Variants in HELB observed in about 807,000 individuals in gnomAD.
HELB encodes the protein DNA helicase B.
Under a neutral mutation model 101.7 loss-of-function variants are expected in HELB, and 96 were observed. The ratio of observed to expected loss-of-function variants is 0.94; its 90% CI spans 0.80 to 1.12. The LOEUF is 1.12. Among genes scored for constraint, HELB ranks in the 50% most tolerant of loss-of-function variants. HELB has a pLI of 0.00. For missense variants in HELB, 1,210 were observed against 1,291.9 expected (o/e 0.94, Z 0.97); for synonymous variants, 437 against 459.7 (o/e 0.95, Z 0.63).
At chr12:66,313,349 A>G (rs1264297695) in intron 4 of HELB, among the ~76,000 whole-genome samples, 3 of 152,170 alleles carry the variant, frequency 2.0e-5, no homozygotes, top group African/African-American at 7.2e-5. Flanking sequence ...GAATTTGCAG[A>G]TTAGGGATAC....
rs1391690605 is a variant in HELB at position 66,324,225 on chromosome 12, G to C, written c.2526+14G>C. The C allele has an allele frequency of 3.3e-6, 5 of 1,513,046 alleles. No individual in the cohort carries two copies. In the South Asian group the frequency reaches 5.6e-5, roughly 17 times the overall value. 93.7% of individuals were successfully genotyped at this position (1,513,046 alleles called of 1,614,324 possible). A position where few individuals can be genotyped will look rare whatever the true frequency, so the allele number is the denominator to read the frequency against. ...TTCATAACAAATGTAAGTGAAAACAGAAGATAATATCTTTTAACTAATTAG... is the reference window on the plus strand; with the variant it reads ...TTCATAACAAATGTAAGTGAAAACACAAGATAATATCTTTTAACTAATTAG... On this transcript the variant is annotated intron_variant, in intron 10 of 12. Transcript: ENST00000247815.
At chr12:66,306,750 TGAA>T (rs1565635378) in intron 3 of HELB, among the ~76,000 whole-genome samples, 1 of 152,122 alleles carries the variant, frequency 6.6e-6, no homozygotes. Flanking sequence ...AATTTGTAAA[TGAA>T]AAAAAATTGA....
rs751984172 is a variant in HELB, at chr12:66,305,135, C to T, written c.592C>T (p.Pro198Ser). Residue 198 changes from proline (P) to serine (S), a missense_variant, in exon 2 of 13, where the codon CCT (proline) becomes TCT (serine). By Grantham distance (74) the Pro-to-Ser change is moderately conservative. Around this residue, in one of 2 missense-constraint regions of HELB, gnomAD observed 470 missense variants for 563.1 expected, o/e 0.83. Transcript: ENST00000247815. ...ELFLDNEMSLPLENTIPFRNV... is the reference protein window; with the variant it reads ...ELFLDNEMSLSLENTIPFRNV... ...GTTCCTAGACAATGAGATGAGTCTT[C>T]CTCTGGAAAACACAAGTAAGTGTGA... The T allele has an allele frequency of 6.4e-7, 1 of 1,557,382 alleles. No homozygotes were observed. The highest frequency in any genetic ancestry group is 8.7e-7 in the Non-Finnish European group (1 of 1,155,674).
chr12:66,310,643 A>C (rs767268025), intron 4 of HELB, 35 bp downstream of exon 4: 3 of 1,572,014 alleles, frequency 1.9e-6, no homozygotes, highest in Non-Finnish European at 2.6e-6. Context: ...TAGATAAAAC[A>C]TTTGTCGGCC....
At chr12:66,303,783 T>A (rs1555165490) in intron 1 of HELB, among the ~76,000 whole-genome samples, 2 of 152,244 alleles carry the variant, frequency 1.3e-5, no homozygotes, top group Non-Finnish European at 2.9e-5. Flanking sequence ...TTTCCTGTGC[T>A]ATAAGTTATA....
At chr12:66,331,668 C>A in intron 12 of HELB, 23 bp downstream of exon 12, 2 of 1,568,154 alleles carry the variant, frequency 1.3e-6, no homozygotes, top group South Asian at 2.3e-5. Flanking sequence ...TTTCCATGTT[C>A]CCAAGTTTTA....
At position 66,324,010 on chromosome 12, in the gene HELB, A is replaced by G. The variant is rs1019339600; in HGVS notation, c.2325A>G (p.Gly775=). Residue 775 remains glycine (G), a synonymous_variant, in exon 10 of 13, where the codon GGA becomes GGG. Coordinates refer to ENST00000247815, the MANE Select transcript of HELB (RefSeq NM_001370285.1). ...ACCATCAGAGTAGACTTGTTTTTGGAATTGGTGATAAAATTTGTTGTACCA... is the reference window on the plus strand; with the variant it reads ...ACCATCAGAGTAGACTTGTTTTTGGGATTGGTGATAAAATTTGTTGTACCA... ...TKDHQSRLVF[G]IGDKICCTRN... 3 of 1,612,374 alleles carry G rather than the reference A, an allele frequency of 1.9e-6. No homozygotes were observed. Among genetic ancestry groups the G allele is most frequent in the African/African-American group, 2.7e-5 (2 of 74,818 alleles).
chr12:66,337,037 G>A (rs1158220099), intron 12 of HELB, among the ~76,000 whole-genome samples: 3 of 152,198 alleles, frequency 2.0e-5, no homozygotes, highest in African/African-American at 7.2e-5. Flanking sequence ...GCTAAGGATA[G>A]AGCTGATGGG....
intron 6 of HELB, among the ~76,000 whole-genome samples, chr12:66,316,567 A>AAATAATAATAATAATAAT (rs59495617): frequency 5.3e-4 from 77 of 145,082 alleles, no homozygotes; most frequent in African/African-American, 1.8e-3. Flanking sequence ...TGATAAGCTA[A>AAATAATAATAATAATAAT]AATAATAATA....
chr12:66,335,199 G>GT (rs1406823221), intron 12 of HELB, among the ~76,000 whole-genome samples: 2 of 152,194 alleles, frequency 1.3e-5, no homozygotes, highest in Non-Finnish European at 2.9e-5. Context: ...TGGTAGAGGA[G>GT]TTTAGAGCCT....
At chr12:66,342,753 G>A (rs926324895), downstream of HELB, 4 of 150,678 alleles carry the variant, frequency 2.7e-5, no homozygotes, top group African/African-American at 9.8e-5. Flanking sequence ...GGAGTGCAAT[G>A]GTGCCATCTC....
chr12:66,326,283 C>A (rs1025010180), intron 11 of HELB, among the ~76,000 whole-genome samples: 1 of 151,824 alleles, frequency 6.6e-6, no homozygotes, highest in African/African-American at 2.4e-5. Context: ...CGCTGTGTCG[C>A]CCAGGCTGGA....
chr12:66,319,424 T>A (rs1445980097), intron 7 of HELB, among the ~76,000 whole-genome samples: 3 of 152,210 alleles, frequency 2.0e-5, no homozygotes, highest in Non-Finnish European at 2.9e-5. Flanking sequence ...TGGAACTCCC[T>A]GTGGAGCTAT....
At chr12:66,321,852 AG>A in intron 7 of HELB, 95 bp from the exon 8 acceptor site, 2 of 604,716 alleles carry the variant, frequency 3.3e-6, no homozygotes, top group South Asian at 3.3e-5. Context: ...ATATTTTCCC[AG>A]GGCCCTTAGC....
chr12:66,311,808 G>A (rs185974501), intron 4 of HELB, among the ~76,000 whole-genome samples: 1 of 152,276 alleles, frequency 6.6e-6, no homozygotes, highest in Non-Finnish European at 1.5e-5. Context: ...AGTTGGAGAG[G>A]TTCCTCTAGC....
In HELB at chr12:66,323,992, G is replaced by A; in HGVS notation, c.2307G>A (p.Gln769=). The A allele has an allele frequency of 1.2e-6, 2 of 1,606,076 alleles. No homozygotes were observed. The highest frequency in any genetic ancestry group is 1.7e-6 in the Non-Finnish European group (2 of 1,173,124). The change falls in exon 10 of 13, where the codon CAG becomes CAA. Residue 769 remains glutamine (Q), a synonymous_variant. Coordinates refer to ENST00000247815, the MANE Select transcript of HELB (RefSeq NM_001370285.1). The part of the protein sequence containing the change: ...HYTGHLTKDH[Q]SRLVFGIGDK... ...TCATTTTCTATCCCAGAGACCATCA[G>A]AGTAGACTTGTTTTTGGAATTGGTG...
chr12:66,338,151 A>G lies in HELB; in HGVS notation c.*49A>G. The stretch of plus-strand genomic sequence containing the variant: ...AACTATGTTTTTCTATTGGAGACAA[A>G]ATGAACATCGTAACGTCAAAGTACC... On this transcript the variant is annotated 3_prime_UTR_variant, in exon 13 of 13. Transcript: ENST00000247815. The G allele has an allele frequency of 9.2e-7, 1 of 1,089,698 alleles. No homozygotes were observed. Among genetic ancestry groups the G allele is most frequent in the Non-Finnish European group, 1.4e-6 (1 of 710,608 alleles). 67.5% of individuals were successfully genotyped at this position (1,089,698 alleles called of 1,614,324 possible).
intron 1 of HELB, among the ~76,000 whole-genome samples, chr12:66,304,276 G>A (rs2053445250): frequency 7.1e-6 from 1 of 140,268 alleles, no homozygotes; most frequent in African/African-American, 2.6e-5. Context: ...GAGATTCAGG[G>A]AAGACTTTTC....
At chr12:66,334,286 T>C (rs959544020) in intron 12 of HELB, among the ~76,000 whole-genome samples, 1 of 151,794 alleles carries the variant, frequency 6.6e-6, no homozygotes, top group Non-Finnish European at 1.5e-5. Context: ...TATAGTGAGA[T>C]TCCATCTCTA....
Sources: gnomAD v4.1 joint callset for allele counts (sites outside exome capture counted in the v4.1 genomes callset) on GRCh38, gnomAD v4.1.1 for gene constraint, gnomAD v4.1.1 regional missense constraint, MANE v1.5 for transcripts, NCBI Gene and HGNC (gene_info 2026-07-23, HGNC 2026-07-21) for gene names.